ZSCAN25: variants seen among roughly 807,000 people sequenced by gnomAD.
ZSCAN25 encodes zinc finger and SCAN domain containing 25.
In ZSCAN25, 27 loss-of-function variants were observed where a neutral mutation model predicts 38.7. The ratio of observed to expected loss-of-function variants is 0.70; its 90% CI spans 0.51 to 0.96. The LOEUF (loss-of-function observed/expected upper bound fraction) is 0.96. ZSCAN25 is among the 40% of genes least tolerant of loss of function. The pLI is 0.00. For missense variants in ZSCAN25, 637 were observed against 705.9 expected (o/e 0.90, Z 1.11); for synonymous variants, 273 against 277.7 (o/e 0.98, Z 0.17).
chr7:99,670,508 C>T, the ZSCAN25 span, among the ~76,000 whole-genome samples: 1 of 152,146 alleles, frequency 6.6e-6, no homozygotes, highest in Non-Finnish European at 1.5e-5. Context: ...CTGAAAAAAT[C>T]ATCAATATTT....
At chr7:99,699,808 A>G in the ZSCAN25 span, among the ~76,000 whole-genome samples, 4 of 152,220 alleles carry the variant, frequency 2.6e-5, no homozygotes, top group Admixed American at 2.0e-4. Flanking sequence ...ATAAATCTGC[A>G]TAAGATCAAT....
the ZSCAN25 span, among the ~76,000 whole-genome samples, chr7:99,701,616 G>A: frequency 6.6e-6 from 1 of 152,178 alleles, no homozygotes; most frequent in Non-Finnish European, 1.5e-5. Context: ...ATTTGTTATT[G>A]CCTGTCTTTT....
chr7:99,680,964 C>G, the ZSCAN25 span, among the ~76,000 whole-genome samples: 2 of 152,166 alleles, frequency 1.3e-5, no homozygotes, highest in African/African-American at 2.4e-5. Flanking sequence ...AGCTGTGCTC[C>G]CAGTACTTGG....
At chr7:99,706,178 C>T in the ZSCAN25 span, among the ~76,000 whole-genome samples, 80 of 152,326 alleles carry the variant, frequency 5.3e-4, 1 homozygote, top group East Asian at 0.015. Flanking sequence ...TGGGGAACCT[C>T]TCAATTCCTA....
chr7:99,648,437 ATGAAG>A, the ZSCAN25 span: 1 of 1,482,264 alleles, frequency 6.7e-7, no homozygotes, highest in Non-Finnish European at 9.2e-7. Context: ...GAATTAATAA[ATGAAG>A]TGAAAGAAGA....
At chr7:99,696,585 C>T in the ZSCAN25 span, among the ~76,000 whole-genome samples, 17 of 152,108 alleles carry the variant, frequency 1.1e-4, no homozygotes, top group Non-Finnish European at 1.5e-5. Context: ...GGATGATTAA[C>T]TCATATTTCC....
the ZSCAN25 span, chr7:99,665,147 G>A: frequency 6.4e-7 from 1 of 1,563,670 alleles, no homozygotes; most frequent in Non-Finnish European, 8.7e-7. Context: ...AAGAGAGAAA[G>A]AAATAATAGC....
chr7:99,634,052 G>A (rs933906550), downstream of ZSCAN25, among the ~76,000 whole-genome samples: 1 of 152,208 alleles, frequency 6.6e-6, no homozygotes, highest in Non-Finnish European at 1.5e-5. Context: ...TGTATGACAA[G>A]GCATCTGTGG....
the ZSCAN25 span, among the ~76,000 whole-genome samples, chr7:99,649,202 C>T: frequency 6.0e-4 from 91 of 152,288 alleles, 1 homozygote; most frequent in Admixed American, 3.7e-3. Context: ...TCTCTCAGGG[C>T]TGAGCCCCCT....
chr7:99,668,305 A>G, the ZSCAN25 span, among the ~76,000 whole-genome samples: 2 of 152,234 alleles, frequency 1.3e-5, no homozygotes, highest in Non-Finnish European at 2.9e-5. Context: ...GAGGCATACT[A>G]TATTCACGGG....
At chr7:99,660,515 G>A in the ZSCAN25 span, 1 of 1,612,512 alleles carries the variant, frequency 6.2e-7, no homozygotes, top group Non-Finnish European at 8.5e-7. Flanking sequence ...GGGCAAAACT[G>A]CATCAATCTC....
chr7:99,681,768 C>G, the ZSCAN25 span, among the ~76,000 whole-genome samples: 1 of 152,218 alleles, frequency 6.6e-6, no homozygotes, highest in Non-Finnish European at 1.5e-5. Flanking sequence ...TGTGTCTTCA[C>G]TTTGTTGATT....
the ZSCAN25 span, chr7:99,672,715 A>G: frequency 8.1e-6 from 13 of 1,612,324 alleles, no homozygotes; most frequent in Non-Finnish European, 1.1e-5. Flanking sequence ...AAACTTCACT[A>G]GCCCGATTCT....
At chr7:99,633,103 A>AG (rs1257740671), downstream of ZSCAN25, among the ~76,000 whole-genome samples, 1 of 151,522 alleles carries the variant, frequency 6.6e-6, no homozygotes, top group Non-Finnish European at 1.5e-5. Context: ...CTCCTGCCTC[A>AG]GCCTCCCAAG....
chr7:99,621,282 T>C, intron 4 of ZSCAN25, 91 bp from the exon 5 acceptor site: 1 of 1,181,590 alleles, frequency 8.5e-7, no homozygotes, highest in Non-Finnish European at 1.1e-6. Flanking sequence ...AATGGTTCTT[T>C]TCTTGGTTCT....
At chr7:99,720,226 A>G in the ZSCAN25 span, 1 of 1,523,766 alleles carries the variant, frequency 6.6e-7, no homozygotes, top group East Asian at 2.5e-5. Context: ...CACAGTTTTT[A>G]GGCAACTGTC....
Position 99,630,446 on chromosome 7 carries a change from A to C in ZSCAN25, c.*426A>C. 1.0e-6 allele frequency: 1 copy of C among 1,004,124 alleles called. No individual in the cohort carries two copies. Among genetic ancestry groups the C allele is most frequent in the Non-Finnish European group, 1.2e-6 (1 of 842,024 alleles). The allele number at this position is 1,004,124 out of a possible 1,614,324, so 62.2% of individuals were successfully genotyped here. A position where few individuals can be genotyped will look rare whatever the true frequency, so the allele number is the denominator to read the frequency against. ...ACCCCCTCTCTTTTCCATTGAACAA[A>C]CATTTATTGAACATCCTCTGAGCAC... On this transcript the variant is annotated 3_prime_UTR_variant, in exon 8 of 8. Coordinates refer to ENST00000394152, the MANE Select transcript of ZSCAN25 (RefSeq NM_145115.3).
chr7:99,621,051 T>G, intron 4 of ZSCAN25: 1 of 196,080 alleles, frequency 5.1e-6, no homozygotes, highest in East Asian at 1.2e-4. Context: ...GCTTTTTCAA[T>G]TAGGAATTTT....
At chr7:99,712,242 A>G in the ZSCAN25 span, among the ~76,000 whole-genome samples, 1 of 152,198 alleles carries the variant, frequency 6.6e-6, no homozygotes, top group Admixed American at 6.5e-5. Context: ...GAGTGTGAGA[A>G]ATGTCAACAG....
Sources: allele counts gnomAD v4.1 joint callset (sites outside exome capture counted in the v4.1 genomes callset), GRCh38; gene constraint gnomAD v4.1.1; transcripts MANE v1.5; gene names NCBI Gene and HGNC (gene_info 2026-07-23, HGNC 2026-07-21).